Variants in CELF1 observed in about 807,000 individuals in gnomAD.
CELF1 encodes the protein 50 kDa nuclear polyadenylated RNA-binding protein.
In CELF1, 10 loss-of-function variants were observed where a neutral mutation model predicts 61.8. The observed-to-expected ratio is 0.16, with a 90% CI of 0.10 to 0.27. The LOEUF (loss-of-function observed/expected upper bound fraction) is 0.27, where lower values mean the gene tolerates loss of function less well. Among genes scored for constraint, CELF1 ranks in the 10% least tolerant of loss-of-function variants. The pLI is 1.00. For synonymous variants in CELF1, 236 were observed against 225.1 expected (o/e 1.05, Z -0.43); for missense variants, 380 against 639.1 (o/e 0.59, Z 4.37).
At chr11:47,523,358 TAAAATGAG>T (rs2096055641) in intron 1 of CELF1, 1 of 152,060 alleles carries the variant, frequency 6.6e-6, no homozygotes, top group Non-Finnish European at 1.5e-5. Flanking sequence ...ATTAGGACAG[TAAAATGAG>T]AAGGGCACTA....
chr11:47,508,673 CAA>C (rs35270162), intron 1 of CELF1, among the ~76,000 whole-genome samples: 1 of 119,802 alleles, frequency 8.3e-6, no homozygotes, highest in African/African-American at 2.6e-5. Flanking sequence ...AAGGAAACCT[CAA>C]ACACACACAC....
intron 10 of CELF1, among the ~76,000 whole-genome samples, chr11:47,478,031 T>C (rs1038584708): frequency 1.3e-5 from 2 of 151,790 alleles, no homozygotes; most frequent in Non-Finnish European, 2.9e-5. Flanking sequence ...ATCTAAACTG[T>C]GCTGTCGCTG....
chr11:47,486,892 G>C (rs1482094084), intron 5 of CELF1, 94 bp from the exon 6 acceptor site: 2 of 1,002,442 alleles, frequency 2.0e-6, no homozygotes, highest in East Asian at 2.4e-5. Context: ...GAGCTTTAAA[G>C]AGTTCTCTCT....
chr11:47,535,113 T>C (rs2096595523), intron 1 of CELF1, among the ~76,000 whole-genome samples: 1 of 152,164 alleles, frequency 6.6e-6, no homozygotes, highest in Non-Finnish European at 1.5e-5. Context: ...CAGCACTTGA[T>C]TTCACAGTAA....
intron 1 of CELF1, among the ~76,000 whole-genome samples, chr11:47,512,955 A>G (rs2095315398): frequency 6.6e-6 from 1 of 152,178 alleles, no homozygotes. Flanking sequence ...ACCGTGTGAA[A>G]ATGGACAAGT....
chr11:47,472,117 G>A lies in CELF1; in HGVS notation c.*113C>T. 7.9e-7 allele frequency: 1 copy of A among 1,271,122 alleles called. No individual in the cohort carries two copies. Among genetic ancestry groups the A allele is most frequent in the Non-Finnish European group, 1.1e-6 (1 of 909,074 alleles). 78.7% of individuals were successfully genotyped at this position (1,271,122 alleles called of 1,614,324 possible). ...GCAAGCTGTGCCTGCGAGAGTGGCA[G>A]GGATCAGGGTCCAGGGCTGTCAACA... On this transcript the variant is annotated 3_prime_UTR_variant, in exon 15 of 15. Coordinates refer to ENST00000687097, the MANE Select transcript of CELF1 (RefSeq NM_001376376.1).
chr11:47,500,306 C>T (rs537860781), intron 2 of CELF1, among the ~76,000 whole-genome samples: 92 of 152,182 alleles, frequency 6.0e-4, no homozygotes, highest in African/African-American at 2.0e-3. Flanking sequence ...AATGGTTCCT[C>T]ATCTGGGTGA....
chr11:47,472,462 T>C (rs1299720731), intron 14 of CELF1, 105 bp from the exon 15 acceptor site: 2 of 1,288,070 alleles, frequency 1.6e-6, no homozygotes, highest in Non-Finnish European at 2.2e-6. Context: ...AATCCCAATT[T>C]TATTCAGCAG....
Position 47,489,040 on chromosome 11 carries a change from T to C in CELF1, c.72-16A>G, listed in dbSNP as rs1201782682. The C allele has an allele frequency of 1.3e-6, 2 of 1,533,166 alleles. No individual in the cohort carries two copies. Among genetic ancestry groups the C allele is most frequent in the African/African-American group, 1.4e-5 (1 of 70,504 alleles). 95.0% of individuals were successfully genotyped at this position (1,533,166 alleles called of 1,614,324 possible). A position where few individuals can be genotyped will look rare whatever the true frequency, so the allele number is the denominator to read the frequency against. On this transcript the variant is annotated splice_polypyrimidine_tract_variant and intron_variant, in intron 3 of 14. Transcript: ENST00000687097. The stretch of plus-strand genomic sequence containing the variant: ...TTTCTTTGAGCTGTGTGAGATAAAA[T>C]GAAACTTCTATTATGTAATAATGTT...
At chr11:47,552,678 C>A (rs766438275) in intron 1 of CELF1, among the ~76,000 whole-genome samples, 66 of 152,330 alleles carry the variant, frequency 4.3e-4, no homozygotes, top group African/African-American at 1.5e-3. Flanking sequence ...CTGGGCAGGG[C>A]ACGAGGCCTC....
chr11:47,473,013 T>C, intron 14 of CELF1, 75 bp downstream of exon 14: 2 of 1,518,940 alleles, frequency 1.3e-6, no homozygotes, highest in Non-Finnish European at 1.8e-6. Context: ...TATTCAGATC[T>C]TTCTGCAGTG....
intron 9 of CELF1, among the ~76,000 whole-genome samples, chr11:47,479,308 C>T (rs1004498832): frequency 6.6e-6 from 1 of 152,198 alleles, no homozygotes; most frequent in Non-Finnish European, 1.5e-5. Flanking sequence ...TGAATGAATG[C>T]CATTTCCAGC....
At position 47,533,635 on chromosome 11, in the gene CELF1, A is replaced by ATACATAC. The variant is rs1598183916; in HGVS notation, c.-154+19356_-154+19357insGTATGTA. Among the ~76,000 whole-genome samples the ATACATAC allele has an allele frequency of 9.1e-4, 136 of 148,856 alleles. 1 individual carries two copies. The highest frequency in any genetic ancestry group is 3.4e-3 in the East Asian group (17 of 4,994). On this transcript the variant is annotated intron_variant, in intron 1 of 14. Transcript: ENST00000687097. The stretch of plus-strand genomic sequence containing the variant: ...GAGACTCCATTTCAAAAAATAAATA[A>ATACATAC]ATACATACATACATACATACATAAA...
intron 3 of CELF1, among the ~76,000 whole-genome samples, chr11:47,489,935 G>GGTTTTTTTTTTTTTTTT (rs1555170254): frequency 4.1e-5 from 2 of 48,226 alleles, no homozygotes; most frequent in Admixed American, 3.0e-4. Context: ...ATACCATCTT[G>GGTTTTTTTTTTTTTTTT]TTTTTTTTTT....
rs563455325 is a variant in CELF1, at chr11:47,553,104, C to G, written c.-266G>C. 6 of 398,284 alleles carry G rather than the reference C, an allele frequency of 1.5e-5. No homozygotes were observed. In the East Asian group the frequency reaches 2.1e-4, roughly 14 times the overall value. 24.7% of individuals were successfully genotyped at this position (398,284 alleles called of 1,614,324 possible). On this transcript the variant is annotated 5_prime_UTR_variant, in exon 1 of 15. Transcript: ENST00000687097. Reference sequence around the variant, plus strand: ...CCGGGGGAGCCTCCGCGTCCCGCCGCCGCTGCCGCTGCCGCCAGAGCAGAA... The same window carrying G: ...CCGGGGGAGCCTCCGCGTCCCGCCGGCGCTGCCGCTGCCGCCAGAGCAGAA...
rs1385927913 is a variant in CELF1, at chr11:47,553,093, G to A, written c.-255C>T. The A allele has an allele frequency of 7.5e-6, 3 of 398,894 alleles. No homozygotes were observed. The highest frequency in any genetic ancestry group is 1.3e-5 in the Non-Finnish European group (3 of 226,538). 24.7% of individuals were successfully genotyped at this position (398,894 alleles called of 1,614,324 possible). ...GAGGCCGAATCCCGGGGGAGCCTCC[G>A]CGTCCCGCCGCCGCTGCCGCTGCCG... is the stretch of plus-strand genomic sequence containing the variant. On this transcript the variant is annotated 5_prime_UTR_variant, in exon 1 of 15. Transcript: ENST00000687097.
intron 3 of CELF1, among the ~76,000 whole-genome samples, chr11:47,497,910 T>C (rs1596981013): frequency 6.6e-6 from 1 of 152,162 alleles, no homozygotes; most frequent in Admixed American, 6.5e-5. Flanking sequence ...CACCAGGCAG[T>C]GGCAAAGCAC....
chr11:47,479,862 C>T (rs926503786), intron 9 of CELF1, among the ~76,000 whole-genome samples: 2 of 152,032 alleles, frequency 1.3e-5, no homozygotes, highest in East Asian at 1.9e-4. Context: ...TCCTTCCAGG[C>T]TAGAGACCAT....
At chr11:47,489,935 G>GTTCTTTTTTTTTTTTTTTTTTTTTTT (rs1555170252) in intron 3 of CELF1, among the ~76,000 whole-genome samples, 2 of 48,226 alleles carry the variant, frequency 4.1e-5, no homozygotes, top group Admixed American at 3.0e-4. Flanking sequence ...ATACCATCTT[G>GTTCTTTTTTTTTTTTTTTTTTTTTTT]TTTTTTTTTT....
Sources: gnomAD v4.1 joint callset for allele counts (sites outside exome capture counted in the v4.1 genomes callset) on GRCh38, gnomAD v4.1.1 for gene constraint, MANE v1.5 for transcripts, NCBI Gene and HGNC (gene_info 2026-07-23, HGNC 2026-07-21) for gene names.